P3H2: variants seen among roughly 807,000 people sequenced by gnomAD.
P3H2 encodes the protein prolyl 3-hydroxylase 2, also known as leprecan-like 1.
In P3H2, 80 loss-of-function variants were observed where a neutral mutation model predicts 87.0. The ratio of observed to expected loss-of-function variants is 0.92; its 90% CI spans 0.77 to 1.11. P3H2 has a LOEUF of 1.11. Among genes scored for constraint, P3H2 ranks in the 50% least tolerant of loss-of-function variants. The probability of loss-of-function intolerance (pLI) is 0.00; values close to 1 mark genes in which losing one functional copy is unlikely to be tolerated. For synonymous variants in P3H2, 367 were observed against 359.3 expected (o/e 1.02, Z -0.24); for missense variants, 1,001 against 923.9 (o/e 1.08, Z -1.08).
At chr3:190,001,617 C>A (rs944171034) in intron 1 of P3H2, among the ~76,000 whole-genome samples, 9 of 152,126 alleles carry the variant, frequency 5.9e-5, no homozygotes, top group Non-Finnish European at 1.2e-4. Context: ...TAAGCCACAG[C>A]GCAAGTTCTA....
chr3:189,962,161 C>CTTTTTTTTTTTTTT lies in P3H2; in HGVS notation c.2034+1783_2034+1796dup, dbSNP rs770628547. ...GCCTTTCTTTCTTTTTCTTCTTCTT[C>CTTTTTTTTTTTTTT]TTTTTTTTTTTTTTTTTTTTTTTTA... On this transcript the variant is annotated intron_variant, in intron 14 of 14. Coordinates refer to ENST00000319332, the MANE Select transcript of P3H2 (RefSeq NM_018192.4). Among the ~76,000 whole-genome samples, 22 of 87,612 alleles carry CTTTTTTTTTTTTTT rather than the reference C, an allele frequency of 2.5e-4. 1 individual carries two copies. The highest frequency in any genetic ancestry group is 6.6e-4 in the African/African-American group (14 of 21,182). 57.5% of individuals were successfully genotyped at this position (87,612 alleles called of 152,430 possible).
chr3:190,121,438 A>G (rs1712588423), upstream of P3H2: 1 of 152,194 alleles, frequency 6.6e-6, no homozygotes, highest in African/African-American at 2.4e-5. Context: ...TGATTTGCCT[A>G]AATGCATAGA....
chr3:190,056,593 G>C (rs141578896), intron 1 of P3H2, among the ~76,000 whole-genome samples: 1 of 152,168 alleles, frequency 6.6e-6, no homozygotes, highest in Non-Finnish European at 1.5e-5. Context: ...TCAAGAAGTC[G>C]TGATGATAAT....
intron 1 of P3H2, among the ~76,000 whole-genome samples, chr3:190,075,516 A>C (rs1726844450): frequency 6.6e-6 from 1 of 151,986 alleles, no homozygotes; most frequent in African/African-American, 2.4e-5. Context: ...GAAAGAAAAG[A>C]AAAGCAAAAA....
rs184178363 is a variant in P3H2, at chr3:190,073,122, T to C, written c.480+47130A>G. On this transcript the variant is annotated intron_variant, in intron 1 of 14. Transcript: ENST00000319332. ...TGGTGAAAATATTTATTATCAGAATTTGGCACTAAAGAACAGATACACCTA... is the reference window on the plus strand; with the variant it reads ...TGGTGAAAATATTTATTATCAGAATCTGGCACTAAAGAACAGATACACCTA... Among the ~76,000 whole-genome samples, 573 of 152,346 alleles carry C rather than the reference T, an allele frequency of 3.8e-3. 3 individuals carry two copies. The highest frequency in any genetic ancestry group is 0.014 in the South Asian group (70 of 4,828).
At chr3:190,005,509 T>C (rs1708649831) in intron 1 of P3H2, among the ~76,000 whole-genome samples, 1 of 152,250 alleles carries the variant, frequency 6.6e-6, no homozygotes, top group Non-Finnish European at 1.5e-5. Context: ...ATTTCCAACA[T>C]GCTTGGTCTC....
chr3:189,968,263 C>G (rs1263213583), intron 13 of P3H2, among the ~76,000 whole-genome samples: 1 of 152,088 alleles, frequency 6.6e-6, no homozygotes, highest in African/African-American at 2.4e-5. Flanking sequence ...ATCCCCCTGA[C>G]AGGCCCTGGT....
intron 1 of P3H2, among the ~76,000 whole-genome samples, chr3:190,108,450 A>G (rs1711935679): frequency 6.6e-6 from 1 of 152,198 alleles, no homozygotes; most frequent in Non-Finnish European, 1.5e-5. Context: ...CCAGATAGAA[A>G]AACACTGATT....
chr3:190,080,520 C>A (rs1173066478), intron 1 of P3H2, among the ~76,000 whole-genome samples: 1 of 152,110 alleles, frequency 6.6e-6, no homozygotes, highest in Non-Finnish European at 1.5e-5. Flanking sequence ...CCTGCTTCAG[C>A]CTCCCGAGTA....
At chr3:189,979,270 A>C (rs190795887) in intron 8 of P3H2, among the ~76,000 whole-genome samples, 2,077 of 150,492 alleles carry the variant, frequency 0.014, 45 homozygotes, top group African/African-American at 0.048. Flanking sequence ...CTAAAACACA[A>C]AAAAAAAATT....
chr3:190,119,429 C>A (rs973723329), intron 1 of P3H2, among the ~76,000 whole-genome samples: 1 of 152,132 alleles, frequency 6.6e-6, no homozygotes, highest in Non-Finnish European at 1.5e-5. Context: ...TTCAAATTCC[C>A]TCTGCTGAAG....
At chr3:190,031,175 T>G (rs1236968626) in intron 1 of P3H2, among the ~76,000 whole-genome samples, 1 of 152,086 alleles carries the variant, frequency 6.6e-6, no homozygotes, top group Non-Finnish European at 1.5e-5. Flanking sequence ...CTAAAATATA[T>G]GCAGATATTT....
At chr3:190,040,674 T>C (rs1350620007) in intron 1 of P3H2, among the ~76,000 whole-genome samples, 2 of 152,152 alleles carry the variant, frequency 1.3e-5, no homozygotes, top group Non-Finnish European at 2.9e-5. Context: ...AAAGTATCCC[T>C]GACTTAAGAC....
At chr3:190,030,959 T>G (rs775153205) in intron 1 of P3H2, among the ~76,000 whole-genome samples, 7 of 152,188 alleles carry the variant, frequency 4.6e-5, no homozygotes, top group Non-Finnish European at 8.8e-5. Context: ...ACAGATGAAT[T>G]AAGAGTACGT....
intron 1 of P3H2, among the ~76,000 whole-genome samples, chr3:190,070,381 TA>T (rs1726661766): frequency 6.6e-6 from 1 of 152,178 alleles, no homozygotes; most frequent in African/African-American, 2.4e-5. Flanking sequence ...GGGGTTCTAG[TA>T]AGCATCAGGT....
intron 8 of P3H2, among the ~76,000 whole-genome samples, chr3:189,975,568 C>T (rs1275810944): frequency 1.3e-5 from 2 of 152,150 alleles, no homozygotes; most frequent in Non-Finnish European, 2.9e-5. Flanking sequence ...GGGCCTGGTG[C>T]GTGCTTGTCC....
At chr3:190,049,690 T>C (rs548114699) in intron 1 of P3H2, among the ~76,000 whole-genome samples, 282 of 152,284 alleles carry the variant, frequency 1.9e-3, no homozygotes, top group African/African-American at 6.3e-3. Flanking sequence ...CTCGGCTACA[T>C]AGATACACAC....
chr3:190,046,136 A>G (rs1725797022), intron 1 of P3H2, among the ~76,000 whole-genome samples: 1 of 151,946 alleles, frequency 6.6e-6, no homozygotes, highest in Admixed American at 6.6e-5. Context: ...AAAAAAAAAA[A>G]AAAAGAGTTC....
chr3:190,073,938 C>T (rs6444415), intron 1 of P3H2, among the ~76,000 whole-genome samples: 36,321 of 152,054 alleles, frequency 0.24, 4,674 homozygotes, highest in African/African-American at 0.33. Flanking sequence ...CTTTAGGGGA[C>T]AGTTCACTTT....
Sources: allele counts gnomAD v4.1 joint callset (sites outside exome capture counted in the v4.1 genomes callset), GRCh38; gene constraint gnomAD v4.1.1; transcripts MANE v1.5; gene names NCBI Gene and HGNC (gene_info 2026-07-23, HGNC 2026-07-21).